SORBS2: variants seen among roughly 807,000 people sequenced by gnomAD.
The protein encoded by SORBS2 is sorbin and SH3 domain containing 2, also known as sorbin and SH3 domain-containing protein 2.
A neutral mutation model predicts 97.7 loss-of-function variants in SORBS2; 46 were observed. The observed-to-expected ratio is 0.47, with a 90% CI of 0.37 to 0.60. The LOEUF is 0.60. Among genes scored for constraint, SORBS2 ranks in the 20% least tolerant of loss-of-function variants. The pLI is 0.00. For missense variants in SORBS2, 1,316 were observed against 1,282.3 expected, an observed-to-expected ratio of 1.03 and a Z score of -0.40; for synonymous variants, 476 against 473.4, an observed-to-expected ratio of 1.01 and a Z score of -0.07.
intron 4 of SORBS2, among the ~76,000 whole-genome samples, chr4:185,631,983 G>T (rs991127903): frequency 1.4e-4 from 21 of 152,172 alleles, no homozygotes; most frequent in Non-Finnish European, 1.5e-4. Context: ...AGCCAGAAAG[G>T]CAAGGTTTGA....
intron 1 of SORBS2, among the ~76,000 whole-genome samples, chr4:185,800,487 G>A (rs1278511057): frequency 6.6e-6 from 1 of 152,120 alleles, no homozygotes; most frequent in African/African-American, 2.4e-5. Flanking sequence ...GTGTCCCAGA[G>A]GTCACAGTCT....
At chr4:185,651,316 C>A (rs935609678) in intron 2 of SORBS2, among the ~76,000 whole-genome samples, 11 of 152,174 alleles carry the variant, frequency 7.2e-5, no homozygotes, top group African/African-American at 2.7e-4. Context: ...AAAGTGGCCC[C>A]GCCAAGGGGG....
At chr4:185,850,003 C>A (rs2099216894) in intron 1 of SORBS2, among the ~76,000 whole-genome samples, 1 of 152,218 alleles carries the variant, frequency 6.6e-6, no homozygotes, top group Non-Finnish European at 1.5e-5. Context: ...CCCACCCTGG[C>A]AATGACTGCT....
chr4:185,633,488 AC>A (rs1432804102), intron 4 of SORBS2, among the ~76,000 whole-genome samples: 1 of 150,120 alleles, frequency 6.7e-6, no homozygotes, highest in African/African-American at 2.5e-5. Context: ...TTTTTTTGCC[AC>A]TACCATCACA....
chr4:185,803,359 C>G (rs936661203), intron 1 of SORBS2, among the ~76,000 whole-genome samples: 1 of 152,118 alleles, frequency 6.6e-6, no homozygotes. Flanking sequence ...TTTCCTAATT[C>G]GATCTTCAAA....
intron 2 of SORBS2, chr4:185,773,546 G>C (rs2098983906): frequency 6.8e-6 from 1 of 146,922 alleles, no homozygotes; most frequent in African/African-American, 2.5e-5. Context: ...GTGGCCACTT[G>C]CGTTTGTCCT....
At chr4:185,886,601 A>C (rs2099239778) in intron 1 of SORBS2, among the ~76,000 whole-genome samples, 1 of 151,760 alleles carries the variant, frequency 6.6e-6, no homozygotes, top group Non-Finnish European at 1.5e-5. Context: ...AAAAGAAAAC[A>C]ACGTGGCCTG....
intron 1 of SORBS2, chr4:185,933,123 C>T (rs1449379070): frequency 6.6e-6 from 1 of 152,204 alleles, no homozygotes; most frequent in African/African-American, 2.4e-5. Flanking sequence ...CACTGTGACT[C>T]CTAATGACCA....
At chr4:185,699,284 CTTTT>C (rs11435144) in intron 2 of SORBS2, among the ~76,000 whole-genome samples, 1 of 112,574 alleles carries the variant, frequency 8.9e-6, no homozygotes. Flanking sequence ...TGAAATGTAC[CTTTT>C]TTTTTTTTTT....
intron 1 of SORBS2, among the ~76,000 whole-genome samples, chr4:185,827,156 T>A (rs1317341676): frequency 1.7e-5 from 1 of 59,260 alleles, no homozygotes; most frequent in African/African-American, 6.6e-5. Flanking sequence ...GCCATCATCA[T>A]CATCACCATC....
intron 12 of SORBS2, among the ~76,000 whole-genome samples, chr4:185,596,836 G>A (rs868290699): frequency 9.9e-5 from 15 of 151,988 alleles, no homozygotes; most frequent in Middle Eastern, 6.8e-3. Context: ...CCCGGCCCCC[G>A]TCCTTGCTTT....
chr4:185,789,624 T>C (rs1230362172), intron 1 of SORBS2, among the ~76,000 whole-genome samples: 2 of 151,710 alleles, frequency 1.3e-5, no homozygotes, highest in Non-Finnish European at 2.9e-5. Flanking sequence ...AAAGTCATAA[T>C]TTCATTCTAT....
chr4:185,778,977 T>G (rs1322561518), intron 1 of SORBS2, among the ~76,000 whole-genome samples: 1 of 152,226 alleles, frequency 6.6e-6, no homozygotes, highest in Non-Finnish European at 1.5e-5. Context: ...CTCATTAGTT[T>G]GCCGAATGAC....
chr4:185,900,879 C>T lies in SORBS2; in HGVS notation c.-338+55317G>A, dbSNP rs150246662. On this transcript the variant is annotated intron_variant, in intron 1 of 20. Transcript: ENST00000284776. ...CTACAGACTGCTTTTAATCTACAGC[C>T]CAAGGATAGTCCAAAAGGCAGTGCA... 1.8e-3 allele frequency among the ~76,000 whole-genome samples: 277 copies of T among 152,160 alleles called. 2 individuals carry two copies. The highest frequency in any genetic ancestry group is 6.2e-3 in the African/African-American group (258 of 41,530).
intron 8 of SORBS2, 25 bp downstream of exon 20, chr4:185,620,038 A>T (rs777827110): frequency 2.4e-5 from 33 of 1,391,366 alleles, no homozygotes; most frequent in Middle Eastern, 3.5e-4. Context: ...GCTGTGAAAG[A>T]CTCCAATGCT....
chr4:185,940,734 T>A (rs1278631649), intron 1 of SORBS2, among the ~76,000 whole-genome samples: 2 of 152,238 alleles, frequency 1.3e-5, no homozygotes, highest in Non-Finnish European at 2.9e-5. Context: ...CTGTTGCCTC[T>A]ACAGAGCAGT....
chr4:185,812,414 T>A (rs1017451608), intron 1 of SORBS2, among the ~76,000 whole-genome samples: 1 of 152,222 alleles, frequency 6.6e-6, no homozygotes, highest in Non-Finnish European at 1.5e-5. Flanking sequence ...TTCTACACAT[T>A]TCACCGATAG....
At chr4:185,656,333 T>A (rs2097400517) in intron 1 of SORBS2, among the ~76,000 whole-genome samples, 1 of 152,198 alleles carries the variant, frequency 6.6e-6, no homozygotes, top group Admixed American at 6.5e-5. Context: ...CTCTTCTGTC[T>A]GTATATAAAA....
At chr4:185,921,832 T>C (rs1322696763) in intron 1 of SORBS2, among the ~76,000 whole-genome samples, 1 of 152,218 alleles carries the variant, frequency 6.6e-6, no homozygotes, top group Non-Finnish European at 1.5e-5. Context: ...GGAGTAGTCT[T>C]GCATTCCCCA....
Sources: allele counts gnomAD v4.1 joint callset (sites outside exome capture counted in the v4.1 genomes callset), GRCh38; gene constraint gnomAD v4.1.1; transcripts MANE v1.5; gene names NCBI Gene and HGNC (gene_info 2026-07-23, HGNC 2026-07-21).